FBXW11: variants seen among roughly 807,000 people sequenced by gnomAD.
The protein encoded by FBXW11 is F-box and WD repeat domain containing 11, also known as F-box/WD repeat-containing protein 11.
FBXW11 carries 19 observed loss-of-function variants against 77.6 expected under a neutral mutation model. The observed-to-expected ratio is 0.24, with a 90% CI of 0.17 to 0.36. The LOEUF (loss-of-function observed/expected upper bound fraction) is 0.36. Among genes scored for constraint, FBXW11 ranks in the 10% least tolerant of loss-of-function variants. FBXW11 has a pLI of 1.00. For synonymous variants in FBXW11, 235 were observed against 249.4 expected (o/e 0.94, Z 0.54); for missense variants, 334 against 704.2 (o/e 0.47, Z 5.95).
At position 171,869,306 on chromosome 5, in the gene FBXW11, T is replaced by C. The variant is rs1757619079; in HGVS notation, c.1530+423A>G. ...AAACTACTAAAATCTTTTTTAAATC[T>C]ACCAATATTTCCAAATGACTATCTC... is the stretch of plus-strand genomic sequence containing the variant. On this transcript the variant is annotated intron_variant, in intron 12 of 13. Coordinates refer to ENST00000517395, the MANE Select transcript of FBXW11 (RefSeq NM_001378974.1). The surrounding 1 kb of genome is among the most constrained non-coding windows in gnomAD (Gnocchi z 4.1). 6.6e-6 allele frequency among the ~76,000 whole-genome samples: 1 copy of C among 152,216 alleles called. No homozygotes were observed. The highest frequency in any genetic ancestry group is 2.4e-5 in the African/African-American group (1 of 41,468).
chr5:171,934,151 T>C (rs528652268), intron 2 of FBXW11, among the ~76,000 whole-genome samples: 12 of 152,160 alleles, frequency 7.9e-5, no homozygotes, highest in Non-Finnish European at 1.6e-4. Context: ...AGAAACCTGG[T>C]TGAAAAGAGC....
rs1034613306 is a variant in FBXW11, at chr5:171,956,439, G to A, written c.147+1158C>T. On this transcript the variant is annotated intron_variant, in intron 2 of 13. Coordinates refer to ENST00000517395, the MANE Select transcript of FBXW11 (RefSeq NM_001378974.1). ...GACAACTGGGCCTTATATTGAACTCGCTCTCCAGTTAACTGTGTTAGTGAG... is the reference window on the plus strand; with the variant it reads ...GACAACTGGGCCTTATATTGAACTCACTCTCCAGTTAACTGTGTTAGTGAG... Among the ~76,000 whole-genome samples, 9 of 152,186 alleles carry A rather than the reference G, an allele frequency of 5.9e-5. No individual in the cohort carries two copies. In the East Asian group the frequency reaches 1.2e-3, roughly 20 times the overall value.
chr5:171,933,912 G>A (rs1762346923), intron 2 of FBXW11, among the ~76,000 whole-genome samples: 1 of 152,074 alleles, frequency 6.6e-6, no homozygotes, highest in Non-Finnish European at 1.5e-5. Flanking sequence ...GAAGAGGCAG[G>A]GAGTAAGGGA....
intron 1 of FBXW11, among the ~76,000 whole-genome samples, chr5:171,992,128 G>GAAAAAAAAA (rs397768542): frequency 2.3e-5 from 2 of 85,354 alleles, no homozygotes; most frequent in African/African-American, 4.6e-5. Context: ...AAGAAAAAAA[G>GAAAAAAAAA]AAAAAAAAAA....
intron 1 of FBXW11, among the ~76,000 whole-genome samples, chr5:171,960,852 A>G (rs1248123793): frequency 1.3e-5 from 2 of 152,242 alleles, no homozygotes; most frequent in Non-Finnish European, 2.9e-5. Context: ...TTATTAGAAG[A>G]CTGATATTTC....
chr5:171,983,057 C>T (rs1765236897), intron 1 of FBXW11, among the ~76,000 whole-genome samples: 1 of 151,952 alleles, frequency 6.6e-6, no homozygotes, highest in Admixed American at 6.6e-5. Context: ...AAAAATTAAC[C>T]GAGTGCACAC....
At chr5:171,892,543 T>C (rs1694819124) in intron 6 of FBXW11, among the ~76,000 whole-genome samples, 1 of 152,130 alleles carries the variant, frequency 6.6e-6, no homozygotes, top group Non-Finnish European at 1.5e-5. Flanking sequence ...CGTAAGAAGA[T>C]CAGTAACAAT....
chr5:171,900,344 C>T (rs1760031043), intron 4 of FBXW11, among the ~76,000 whole-genome samples: 1 of 152,196 alleles, frequency 6.6e-6, no homozygotes, highest in Admixed American at 6.6e-5. Flanking sequence ...TGACCTTGGA[C>T]AGTTCTGTTA....
At chr5:172,002,835 A>T (rs1766499838) in intron 1 of FBXW11, among the ~76,000 whole-genome samples, 1 of 149,892 alleles carries the variant, frequency 6.7e-6, no homozygotes, top group Non-Finnish European at 1.5e-5. Flanking sequence ...AGTAGCAGGG[A>T]CTATAGGAGT....
chr5:171,892,595 A>G (rs1759429383), intron 6 of FBXW11, among the ~76,000 whole-genome samples: 1 of 152,264 alleles, frequency 6.6e-6, no homozygotes, highest in South Asian at 2.1e-4. Flanking sequence ...TAAGTGCTGC[A>G]GGACTTAAGG....
intron 2 of FBXW11, among the ~76,000 whole-genome samples, chr5:171,930,919 A>C (rs1762160511): frequency 1.3e-5 from 2 of 152,140 alleles, no homozygotes; most frequent in Admixed American, 6.5e-5. Flanking sequence ...AATTAAAAAC[A>C]TATTACCATT....
chr5:171,952,438 TATA>T (rs1481081184), intron 2 of FBXW11, among the ~76,000 whole-genome samples: 71 of 20,904 alleles, frequency 3.4e-3, no homozygotes, highest in African/African-American at 9.4e-3. Context: ...TATATATATA[TATA>T]TATATATTTT....
chr5:171,879,206 G>A (rs1284811813), intron 7 of FBXW11, among the ~76,000 whole-genome samples: 1 of 152,186 alleles, frequency 6.6e-6, no homozygotes, highest in Non-Finnish European at 1.5e-5. Flanking sequence ...GAATCATACA[G>A]TATGTAGCCT....
In FBXW11 at chr5:171,891,454, T is replaced by A; in HGVS notation, c.852+13A>T. 1 of 1,567,652 alleles carries A rather than the reference T, an allele frequency of 6.4e-7. No homozygotes were observed. The highest frequency in any genetic ancestry group is 2.3e-5 in the East Asian group (1 of 43,370). On this transcript the variant is annotated intron_variant, in intron 7 of 13. Transcript: ENST00000517395. ...GATTCTAAAAATAATACATAAAAAATTCAGTCATTCACCTTAATAGAATTA... is the reference window on the plus strand; with the variant it reads ...GATTCTAAAAATAATACATAAAAAAATCAGTCATTCACCTTAATAGAATTA...
chr5:171,954,679 G>A (rs561795370), intron 2 of FBXW11, among the ~76,000 whole-genome samples: 2 of 152,204 alleles, frequency 1.3e-5, no homozygotes, highest in Admixed American at 6.5e-5. Context: ...ATGGAATTAA[G>A]TTTGCAGAAA....
At chr5:171,893,432 A>AAAAAAAAAC (rs1191256976) in intron 6 of FBXW11, among the ~76,000 whole-genome samples, 4 of 145,550 alleles carry the variant, frequency 2.7e-5, no homozygotes, top group Non-Finnish European at 6.1e-5. Context: ...AAAAAAAAAA[A>AAAAAAAAAC]AAAAAAAAAA....
Position 171,992,498 on chromosome 5 carries a change from AAG to A in FBXW11, c.45+13958_45+13959del, listed in dbSNP as rs773085535. Among the ~76,000 whole-genome samples the A allele has an allele frequency of 7.9e-5, 12 of 151,996 alleles. No individual in the cohort carries two copies. In the Middle Eastern group the frequency reaches 0.014, roughly 172 times the overall value. ...AGAAAGGAAAGAAAGGAAGAAAGAA[AAG>A]AGAGAGAAAGAAAGAGAAAGAGAAA... On this transcript the variant is annotated intron_variant, in intron 1 of 13. Transcript: ENST00000517395.
chr5:171,930,007 T>C (rs1003557693), intron 2 of FBXW11, among the ~76,000 whole-genome samples: 3 of 152,180 alleles, frequency 2.0e-5, no homozygotes, highest in Non-Finnish European at 2.9e-5. Flanking sequence ...ATTTAAATCC[T>C]AGTACATCCT....
chr5:171,911,820 C>A (rs2113936222), intron 3 of FBXW11, among the ~76,000 whole-genome samples: 1 of 152,288 alleles, frequency 6.6e-6, no homozygotes, highest in Middle Eastern at 3.4e-3. Flanking sequence ...TAAAAATAAT[C>A]TCAATCACTA....
Sources: gnomAD v4.1 joint callset for allele counts (sites outside exome capture counted in the v4.1 genomes callset) on GRCh38, gnomAD v4.1.1 for gene constraint, Gnocchi (gnomAD v3.1) non-coding constraint, MANE v1.5 for transcripts, NCBI Gene and HGNC (gene_info 2026-07-23, HGNC 2026-07-21) for gene names.